ENTREP2: variants seen among roughly 807,000 people sequenced by gnomAD.
The protein encoded by ENTREP2 is protein ENTREP2.
the ENTREP2 span, among the ~76,000 whole-genome samples, chr15:29,594,886 G>A: frequency 6.6e-6 from 1 of 151,314 alleles, no homozygotes. Context: ...CTAACACGGT[G>A]AAACCCCGTC....
At chr15:29,260,568 C>T in the ENTREP2 span, among the ~76,000 whole-genome samples, 1 of 152,166 alleles carries the variant, frequency 6.6e-6, no homozygotes, top group African/African-American at 2.4e-5. Flanking sequence ...CCATTTGACC[C>T]AATTTGAGAA....
At chr15:29,614,825 G>C in the ENTREP2 span, among the ~76,000 whole-genome samples, 1 of 152,190 alleles carries the variant, frequency 6.6e-6, no homozygotes, top group Non-Finnish European at 1.5e-5. Context: ...GAGAGGCTGA[G>C]GCTGGAAGAT....
chr15:29,568,359 A>G, the ENTREP2 span, among the ~76,000 whole-genome samples: 3 of 152,168 alleles, frequency 2.0e-5, no homozygotes, highest in East Asian at 3.9e-4. Context: ...TACATAGGAG[A>G]ACTGTGTGGA....
At chr15:29,217,237 A>G in the ENTREP2 span, among the ~76,000 whole-genome samples, 1 of 152,176 alleles carries the variant, frequency 6.6e-6, no homozygotes, top group Non-Finnish European at 1.5e-5. Flanking sequence ...GCTGGGAGTC[A>G]GCTTGCAGAA....
chr15:29,618,984 G>A, the ENTREP2 span, among the ~76,000 whole-genome samples: 2 of 152,248 alleles, frequency 1.3e-5, no homozygotes, highest in East Asian at 1.9e-4. Context: ...GGCTGCGGCT[G>A]GAGTGGAGGA....
chr15:29,202,005 C>T, the ENTREP2 span, among the ~76,000 whole-genome samples: 31 of 152,226 alleles, frequency 2.0e-4, no homozygotes, highest in African/African-American at 7.2e-4. Context: ...TGTGTTAGTT[C>T]GTGTTTTCCA....
chr15:29,179,737 C>T, the ENTREP2 span, among the ~76,000 whole-genome samples: 7 of 133,014 alleles, frequency 5.3e-5, no homozygotes, highest in Non-Finnish European at 9.4e-5. Context: ...CCCGCCATCA[C>T]GCCCGGCTAA....
chr15:29,285,934 G>A, the ENTREP2 span, among the ~76,000 whole-genome samples: 2 of 152,056 alleles, frequency 1.3e-5, no homozygotes, highest in Non-Finnish European at 2.9e-5. Context: ...ACAGAATAAG[G>A]GAGTTCTCTC....
chr15:29,480,218 A>G, the ENTREP2 span, among the ~76,000 whole-genome samples: 49 of 151,990 alleles, frequency 3.2e-4, no homozygotes, highest in South Asian at 3.3e-3. Context: ...ATGTCTGAAT[A>G]TATCTAAGCC....
the ENTREP2 span, chr15:29,234,824 C>T: frequency 1.4e-6 from 2 of 1,441,588 alleles, no homozygotes; most frequent in East Asian, 2.3e-5. Context: ...ATCATTTGTG[C>T]AAGGTAAGAA....
At chr15:29,187,860 T>C in the ENTREP2 span, among the ~76,000 whole-genome samples, 2 of 152,236 alleles carry the variant, frequency 1.3e-5, no homozygotes, top group African/African-American at 4.8e-5. Context: ...ACCCACAGGC[T>C]GTGCGGTATG....
the ENTREP2 span, among the ~76,000 whole-genome samples, chr15:29,521,560 C>G: frequency 6.6e-6 from 1 of 152,216 alleles, no homozygotes; most frequent in Admixed American, 6.5e-5. Context: ...GTCTTGCAAC[C>G]ATTTGCTACC....
At chr15:29,573,652 T>TCTCTCC in the ENTREP2 span, among the ~76,000 whole-genome samples, 1 of 151,242 alleles carries the variant, frequency 6.6e-6, no homozygotes, top group Non-Finnish European at 1.5e-5. Flanking sequence ...CCCCCCTCTC[T>TCTCTCC]CTCTCCCTCT....
At chr15:29,223,732 AG>A in the ENTREP2 span, among the ~76,000 whole-genome samples, 2 of 152,110 alleles carry the variant, frequency 1.3e-5, no homozygotes, top group African/African-American at 4.8e-5. Flanking sequence ...GGGAATGGAA[AG>A]GTAGCCAGAG....
chr15:29,333,427 C>T, the ENTREP2 span, among the ~76,000 whole-genome samples: 4 of 152,114 alleles, frequency 2.6e-5, no homozygotes, highest in Non-Finnish European at 5.9e-5. Flanking sequence ...CAGCACCCCC[C>T]GCCCCACTTG....
the ENTREP2 span, among the ~76,000 whole-genome samples, chr15:29,196,965 T>A: frequency 6.6e-6 from 1 of 152,186 alleles, no homozygotes; most frequent in East Asian, 1.9e-4. Flanking sequence ...CTTCATGGCC[T>A]ATCAAACTCC....
the ENTREP2 span, among the ~76,000 whole-genome samples, chr15:29,339,345 T>G: frequency 2.6e-5 from 4 of 152,138 alleles, no homozygotes; most frequent in Admixed American, 2.6e-4. Flanking sequence ...GAAAAGACAT[T>G]CTAATGGCTA....
the ENTREP2 span, among the ~76,000 whole-genome samples, chr15:29,300,848 G>A: frequency 9.2e-4 from 140 of 152,236 alleles, 1 homozygote; most frequent in East Asian, 0.023. Context: ...CTGCCTGCCT[G>A]GGCCTCCCAA....
At chr15:29,613,734 C>CGAGA in the ENTREP2 span, 1 of 168,094 alleles carries the variant, frequency 5.9e-6, no homozygotes. Context: ...GGGTCACCAC[C>CGAGA]TTCCTCTGCT....
Sources: allele counts gnomAD v4.1 joint callset (sites outside exome capture counted in the v4.1 genomes callset), GRCh38; gene constraint gnomAD v4.1.1; transcripts MANE v1.5; gene names NCBI Gene and HGNC (gene_info 2026-07-23, HGNC 2026-07-21).